Variants in CCDC112 observed in about 807,000 individuals in gnomAD.
CCDC112 encodes the protein coiled-coil domain containing 112, also known as coiled-coil domain-containing protein 112.
A neutral mutation model predicts 66.3 loss-of-function variants in CCDC112; 40 were observed. The observed-to-expected ratio is 0.60, with a 90% CI of 0.47 to 0.79. CCDC112 has a LOEUF of 0.79. Among genes scored for constraint, CCDC112 ranks in the 30% least tolerant of loss-of-function variants. CCDC112 has a pLI of 0.00. For missense variants in CCDC112, 659 were observed against 603.8 expected, an observed-to-expected ratio of 1.09 and a Z score of -0.96; for synonymous variants, 214 against 197.2, an observed-to-expected ratio of 1.09 and a Z score of -0.71.
In CCDC112 at chr5:115,275,363, G is replaced by C. The variant is rs372801622; in HGVS notation, c.771C>G (p.Asn257Lys). ...QGAWDDYDHQ[N>K]FVKVRNKHKG... is the part of the protein sequence containing the mutation. ...TATGTTTGTTTCTCACCTTTACAAA[G>C]TTCTGGTGATCATAATCATCCCAGG... Residue 257 changes from asparagine (N) to lysine (K), a missense_variant, in exon 6 of 10, where the codon AAC (asparagine) becomes AAG (lysine). Transcript: ENST00000379611. 3.1e-6 allele frequency: 5 copies of C among 1,613,878 alleles called. No individual in the cohort carries two copies. In the African/African-American group the frequency reaches 4.0e-5, roughly 13 times the overall value.
chr5:115,291,964 G>A (rs755418719), intron 1 of CCDC112, among the ~76,000 whole-genome samples: 6 of 152,130 alleles, frequency 3.9e-5, no homozygotes, highest in Non-Finnish European at 8.8e-5. Flanking sequence ...ATTACGATGT[G>A]TCTAGATATG....
intron 6 of CCDC112, 130 bp downstream of exon 6, chr5:115,275,086 A>G: frequency 1.4e-6 from 1 of 720,034 alleles, no homozygotes; most frequent in Non-Finnish European, 2.2e-6. Flanking sequence ...CTTCTATTAG[A>G]TTGTCGGGGG....
intron 2 of CCDC112, among the ~76,000 whole-genome samples, chr5:115,280,052 C>T (rs938112829): frequency 6.6e-5 from 10 of 152,130 alleles, no homozygotes; most frequent in Non-Finnish European, 1.3e-4. Flanking sequence ...AATGCATAAG[C>T]TTTTGACTAT....
intron 3 of CCDC112, among the ~76,000 whole-genome samples, chr5:115,279,194 A>T (rs1749335211): frequency 6.6e-6 from 1 of 152,198 alleles, no homozygotes; most frequent in South Asian, 2.1e-4. Context: ...ACTCAGGTTT[A>T]TGCAATTATC....
At chr5:115,268,699 TATAA>T (rs1446397035) in intron 9 of CCDC112, among the ~76,000 whole-genome samples, 179 bp downstream of exon 9, 1 of 147,958 alleles carries the variant, frequency 6.8e-6, no homozygotes, top group African/African-American at 2.4e-5. Context: ...TTATATATTA[TATAA>T]ATATGTTATA....
chr5:115,291,506 G>A (rs1749931581), intron 1 of CCDC112, among the ~76,000 whole-genome samples: 1 of 152,014 alleles, frequency 6.6e-6, no homozygotes, highest in African/African-American at 2.4e-5. Flanking sequence ...AATGAGAAAT[G>A]TTCATTAAAA....
intron 3 of CCDC112, among the ~76,000 whole-genome samples, chr5:115,277,898 C>T (rs1359839298): frequency 5.3e-5 from 8 of 151,916 alleles, no homozygotes; most frequent in African/African-American, 1.9e-4. Flanking sequence ...TTTGTTTTTG[C>T]AACTTTTCCA....
At position 115,296,650 on chromosome 5, in the gene CCDC112, G is replaced by C. The variant is rs1750175187; in HGVS notation, c.-107C>G. 4 of 1,267,292 alleles carry C rather than the reference G, an allele frequency of 3.2e-6. No homozygotes were observed. The East Asian group carries it at 9.5e-5, about 30-fold the overall frequency. 78.5% of individuals were successfully genotyped at this position (1,267,292 alleles called of 1,614,324 possible). A position where few individuals can be genotyped will look rare whatever the true frequency, so the allele number is the denominator to read the frequency against. ...AGCTCCCTGCGCTGCGGGCTTGGCC[G>C]GGATGCAGGGCGGGGCCGAGATGTA... On this transcript the variant is annotated 5_prime_UTR_variant, in exon 1 of 10. Coordinates refer to ENST00000379611, the MANE Select transcript of CCDC112 (RefSeq NM_001040440.3).
Position 115,267,642 on chromosome 5 carries a change from T to C in CCDC112, c.*234A>G, listed in dbSNP as rs1748790718. Reference sequence around the variant, plus strand: ...GAATAATGTTTCTAACATTAACTTATTTAAATAACTTTTACATCAATAATA... The same window carrying C: ...GAATAATGTTTCTAACATTAACTTACTTAAATAACTTTTACATCAATAATA... On this transcript the variant is annotated 3_prime_UTR_variant, in exon 10 of 10. Transcript: ENST00000379611. The C allele has an allele frequency of 2.3e-6, 1 of 435,126 alleles. No individual in the cohort carries two copies. The highest frequency in any genetic ancestry group is 4.1e-6 in the Non-Finnish European group (1 of 245,968). The allele number at this position is 435,126 out of a possible 1,614,324, so 27.0% of individuals were successfully genotyped here. A position where few individuals can be genotyped will look rare whatever the true frequency, so the allele number is the denominator to read the frequency against.
chr5:115,282,463 C>T (rs985344213), intron 2 of CCDC112, among the ~76,000 whole-genome samples: 4 of 152,066 alleles, frequency 2.6e-5, no homozygotes, highest in Non-Finnish European at 5.9e-5. Context: ...TATGCAATTT[C>T]ACCCCAACAA....
intron 8 of CCDC112, 58 bp downstream of exon 8, chr5:115,269,645 T>A: frequency 8.5e-7 from 1 of 1,174,412 alleles, no homozygotes; most frequent in Non-Finnish European, 1.2e-6. Flanking sequence ...GATGTCAGTA[T>A]CCTTACAAAT....
At chr5:115,276,444 T>A (rs1749210788) in intron 4 of CCDC112, among the ~76,000 whole-genome samples, 2 of 152,152 alleles carry the variant, frequency 1.3e-5, no homozygotes, top group African/African-American at 4.8e-5. Flanking sequence ...GGAATGAATA[T>A]TACAGTAAGC....
Position 115,296,573 on chromosome 5 carries a change from C to T in CCDC112, c.-30G>A, listed in dbSNP as rs755342795. Reference sequence around the variant, plus strand: ...ACCCGCCGAGCTACTCGGGCCGCGGCGGCCACCGGTGCCTGGGGATTCGTG... The same window carrying T: ...ACCCGCCGAGCTACTCGGGCCGCGGTGGCCACCGGTGCCTGGGGATTCGTG... On this transcript the variant is annotated 5_prime_UTR_variant, in exon 1 of 10. Coordinates refer to ENST00000379611, the MANE Select transcript of CCDC112 (RefSeq NM_001040440.3). 6.9e-6 allele frequency: 10 copies of T among 1,442,606 alleles called. No individual in the cohort carries two copies. The East Asian group carries it at 2.8e-4, about 41-fold the overall frequency. The allele number at this position is 1,442,606 out of a possible 1,614,324, so 89.4% of individuals were successfully genotyped here.
In CCDC112 at chr5:115,275,398, G is replaced by C; in HGVS notation, c.736C>G (p.Arg246Gly). The change falls in exon 6 of 10, where the codon CGA becomes GGA. Residue 246 changes from arginine to glycine, a missense_variant. Physicochemically the swap from Arg to Gly is moderately radical, Grantham distance 125. Coordinates refer to ENST00000379611, the MANE Select transcript of CCDC112 (RefSeq NM_001040440.3). ...FEKFLQQTGG[R>G]QGAWDDYDHQ... is the part of the protein sequence containing the mutation. ...TCATAATCATCCCAGGCACCTTGTC[G>C]CCCTCCTGTTTGCTGAAGGAATTTT... 6.2e-7 allele frequency: 1 copy of C among 1,613,716 alleles called. No individual in the cohort carries two copies. The highest frequency in any genetic ancestry group is 8.5e-7 in the Non-Finnish European group (1 of 1,179,920).
intron 1 of CCDC112, 134 bp downstream of exon 1, chr5:115,296,293 C>T (rs1256602066): frequency 7.5e-7 from 1 of 1,335,686 alleles, no homozygotes; most frequent in Non-Finnish European, 9.6e-7. Flanking sequence ...AGAGCAACGC[C>T]CAGCGCGTGC....
intron 5 of CCDC112, among the ~76,000 whole-genome samples, 168 bp downstream of exon 5, chr5:115,275,826 T>G (rs980741318): frequency 6.6e-6 from 1 of 152,170 alleles, no homozygotes; most frequent in Non-Finnish European, 1.5e-5. Context: ...AAATTTCGCT[T>G]TAAATATGAA....
Position 115,288,163 on chromosome 5 carries a change from T to C in CCDC112, c.118-3255A>G, listed in dbSNP as rs1207752362. 2.6e-5 allele frequency among the ~76,000 whole-genome samples: 4 copies of C among 152,274 alleles called. No homozygotes were observed. In the East Asian group the frequency reaches 7.7e-4, roughly 29 times the overall value. ...GCCCAGCTAATTTTTGTATTTTTAG[T>C]AGACACAGGGTTTTGCCATGCTGGC... On this transcript the variant is annotated intron_variant, in intron 1 of 9. Transcript: ENST00000379611.
chr5:115,281,923 T>C (rs1305684287), intron 2 of CCDC112, among the ~76,000 whole-genome samples: 1 of 152,220 alleles, frequency 6.6e-6, no homozygotes, highest in Non-Finnish European at 1.5e-5. Context: ...AACTGTTGTC[T>C]ACGGAGGGCA....
intron 2 of CCDC112, among the ~76,000 whole-genome samples, chr5:115,281,546 CT>C (rs1437515820): frequency 6.6e-6 from 1 of 152,148 alleles, no homozygotes; most frequent in East Asian, 1.9e-4. Flanking sequence ...GTGTTGAGGA[CT>C]GGGAAGTTCA....
Sources: allele counts gnomAD v4.1 joint callset (sites outside exome capture counted in the v4.1 genomes callset), GRCh38; gene constraint gnomAD v4.1.1; transcripts MANE v1.5; gene names NCBI Gene and HGNC (gene_info 2026-07-23, HGNC 2026-07-21).